Variants in AGBL1 observed in about 807,000 individuals in gnomAD.
AGBL1 encodes the protein cytosolic carboxypeptidase 4.
AGBL1 carries 130 observed loss-of-function variants against 118.9 expected under a neutral mutation model. That is an observed-to-expected ratio of 1.09 (90% CI 0.95 to 1.26). The LOEUF (loss-of-function observed/expected upper bound fraction) is 1.26, where lower values mean the gene tolerates loss of function less well. Ranked by LOEUF, AGBL1 falls within the 50% of genes most tolerant of loss-of-function variation. The pLI, the probability that AGBL1 is intolerant of heterozygous loss-of-function variation, is 0.00. For missense variants in AGBL1, 1,584 were observed against 1,298.1 expected (o/e 1.22, Z -3.38); for synonymous variants, 555 against 478.9 (o/e 1.16, Z -2.08).
At chr15:86,606,929 G>A (rs62012513) in intron 21 of AGBL1, among the ~76,000 whole-genome samples, 4,077 of 152,094 alleles carry the variant, frequency 0.027, 104 homozygotes, top group East Asian at 0.13. Flanking sequence ...ATATAGAGTC[G>A]TTTTACTGCC....
At chr15:86,109,114 T>A (rs939159906) in intron 1 of AGBL1, among the ~76,000 whole-genome samples, 4 of 152,224 alleles carry the variant, frequency 2.6e-5, no homozygotes, top group Non-Finnish European at 5.9e-5. Context: ...GGAGTTAGTA[T>A]ATCTACTACA....
chr15:86,454,203 T>G (rs1412335827), intron 18 of AGBL1, among the ~76,000 whole-genome samples: 1 of 152,218 alleles, frequency 6.6e-6, no homozygotes, highest in African/African-American at 2.4e-5. Context: ...TGGTGGCTTC[T>G]GAGAGTCCTA....
intron 3 of AGBL1, among the ~76,000 whole-genome samples, chr15:86,144,457 A>G (rs1362580947): frequency 6.6e-6 from 1 of 152,254 alleles, no homozygotes; most frequent in Non-Finnish European, 1.5e-5. Context: ...TGTGGTACAC[A>G]TACACCATGG....
chr15:86,718,042 C>T (rs2142710503), intron 22 of AGBL1, among the ~76,000 whole-genome samples: 1 of 152,252 alleles, frequency 6.6e-6, no homozygotes, highest in Middle Eastern at 3.4e-3. Context: ...TGTGCCACTG[C>T]ACTCCAGACT....
At position 86,434,626 on chromosome 15, in the gene AGBL1, T is replaced by C. The variant is rs568655623; in HGVS notation, c.2555+37080T>C. Among the ~76,000 whole-genome samples, 36 of 152,348 alleles carry C rather than the reference T, an allele frequency of 2.4e-4. 1 individual carries two copies. In the South Asian group the frequency reaches 7.2e-3, roughly 31 times the overall value. On this transcript the variant is annotated intron_variant, in intron 18 of 22. Coordinates refer to ENST00000614907, the MANE Select transcript of AGBL1 (RefSeq NM_001386094.1). ...TAAGCGCTAAGAATAAAATCGGTCA[T>C]GGGCCAGTCAACATTTTCATCAAAT...
intron 21 of AGBL1, among the ~76,000 whole-genome samples, chr15:86,623,738 G>A (rs966205870): frequency 2.0e-5 from 3 of 152,246 alleles, no homozygotes; most frequent in East Asian, 1.9e-4. Flanking sequence ...GCAATAATTC[G>A]AAATCCTGTT....
chr15:86,370,339 C>CT (rs2080954299), intron 17 of AGBL1, among the ~76,000 whole-genome samples: 3 of 139,922 alleles, frequency 2.1e-5, no homozygotes, highest in African/African-American at 8.0e-5. Flanking sequence ...GAATCTCACT[C>CT]TGTCACCCAG....
intron 21 of AGBL1, among the ~76,000 whole-genome samples, chr15:86,562,035 C>G (rs2083830575): frequency 6.6e-6 from 1 of 152,176 alleles, no homozygotes; most frequent in African/African-American, 2.4e-5. Flanking sequence ...AGTTGCTTAT[C>G]AGGTTAAGGA....
Position 86,977,369 on chromosome 15 carries a change from T to C in AGBL1, c.3222-10618T>C, listed in dbSNP as rs369302164. ...ATTGTAATGTGTGGTAAGTTCCTTA[T>C]TGTTCCTTTTTCTTTATTAAAGTTT... is the stretch of plus-strand genomic sequence containing the variant. On this transcript the variant is annotated intron_variant, in intron 23 of 24. Coordinates refer to the AGBL1 transcript ENST00000441037. 5.3e-5 allele frequency among the ~76,000 whole-genome samples: 8 copies of C among 151,468 alleles called. No individual in the cohort carries two copies. In the East Asian group the frequency reaches 1.5e-3, roughly 29 times the overall value.
chr15:86,477,305 G>C (rs1297133897), intron 18 of AGBL1, among the ~76,000 whole-genome samples: 1 of 151,954 alleles, frequency 6.6e-6, no homozygotes, highest in East Asian at 1.9e-4. Context: ...CTGGTTTTTT[G>C]AAAGATCAAC....
intron 17 of AGBL1, among the ~76,000 whole-genome samples, chr15:86,396,539 T>C (rs1189714417): frequency 3.3e-5 from 5 of 152,056 alleles, no homozygotes; most frequent in African/African-American, 1.2e-4. Context: ...AACTCTTTTG[T>C]CAAATCTCTC....
intron 17 of AGBL1, among the ~76,000 whole-genome samples, chr15:86,315,083 T>C (rs1338762380): frequency 6.6e-6 from 1 of 152,226 alleles, no homozygotes; most frequent in Non-Finnish European, 1.5e-5. Context: ...TAAATACTCA[T>C]ACCCATAATC....
intron 21 of AGBL1, among the ~76,000 whole-genome samples, chr15:86,582,562 G>T (rs907963900): frequency 6.6e-6 from 1 of 151,976 alleles, no homozygotes; most frequent in Non-Finnish European, 1.5e-5. Flanking sequence ...ACATGCACAC[G>T]TATGTTTATT....
At chr15:86,212,181 A>G (rs1402802234) in intron 5 of AGBL1, among the ~76,000 whole-genome samples, 1 of 152,248 alleles carries the variant, frequency 6.6e-6, no homozygotes, top group Non-Finnish European at 1.5e-5. Flanking sequence ...TTTATAAATT[A>G]CTGTATAGCA....
chr15:86,783,447 T>C (rs996152529), intron 22 of AGBL1, among the ~76,000 whole-genome samples: 3 of 152,240 alleles, frequency 2.0e-5, no homozygotes, highest in African/African-American at 7.2e-5. Flanking sequence ...TGGTCTTCTT[T>C]TTCTTCACAG....
chr15:86,720,110 A>C (rs1003489270), intron 22 of AGBL1, among the ~76,000 whole-genome samples: 1 of 152,200 alleles, frequency 6.6e-6, no homozygotes, highest in African/African-American at 2.4e-5. Flanking sequence ...TCAAATTAAT[A>C]TCTCTAAGCT....
chr15:86,270,439 C>G (rs537347610), intron 14 of AGBL1, among the ~76,000 whole-genome samples: 1 of 152,262 alleles, frequency 6.6e-6, no homozygotes, highest in Admixed American at 6.5e-5. Context: ...TCCAATTGGA[C>G]AACACTGATT....
At chr15:86,397,598 C>A in intron 18 of AGBL1, 52 bp downstream of exon 18, 1 of 1,510,836 alleles carries the variant, frequency 6.6e-7, no homozygotes, top group Non-Finnish European at 9.0e-7. Context: ...ACCACAGTGA[C>A]ACTGTCATTT....
chr15:86,962,670 G>T (rs559054603), intron 23 of AGBL1, among the ~76,000 whole-genome samples: 5 of 152,078 alleles, frequency 3.3e-5, no homozygotes, highest in Admixed American at 1.3e-4. Flanking sequence ...TTCTTTCCAT[G>T]AAAAGCCACA....
Sources: allele counts gnomAD v4.1 joint callset (sites outside exome capture counted in the v4.1 genomes callset), GRCh38; gene constraint gnomAD v4.1.1; transcripts MANE v1.5; gene names NCBI Gene and HGNC (gene_info 2026-07-23, HGNC 2026-07-21).